Variants in MCTP2 observed in about 807,000 individuals in gnomAD.
The protein encoded by MCTP2 is multiple C2 and transmembrane domain containing 2.
MCTP2 carries 132 observed loss-of-function variants against 111.6 expected under a neutral mutation model. The observed-to-expected ratio is 1.18, with a 90% CI of 1.03 to 1.37. MCTP2 has a LOEUF of 1.37. Among genes scored for constraint, MCTP2 ranks in the 40% most tolerant of loss-of-function variants. The pLI is 0.00. For missense variants in MCTP2, 1,183 were observed against 1,067.9 expected (o/e 1.11, Z -1.50); for synonymous variants, 395 against 387.7 (o/e 1.02, Z -0.22).
chr15:94,413,493 A>G (rs1374706874), intron 17 of MCTP2, among the ~76,000 whole-genome samples: 2 of 151,368 alleles, frequency 1.3e-5, no homozygotes, highest in African/African-American at 4.9e-5. Context: ...TTTGATGCTT[A>G]TGTCATTGGC....
chr15:94,422,162 C>G (rs67750360), intron 17 of MCTP2, among the ~76,000 whole-genome samples: 1 of 151,898 alleles, frequency 6.6e-6, no homozygotes, highest in African/African-American at 2.4e-5. Flanking sequence ...TGCTAGTATA[C>G]GGCTGGAGGG....
intron 17 of MCTP2, among the ~76,000 whole-genome samples, chr15:94,417,014 T>C (rs2082408079): frequency 6.6e-6 from 1 of 152,148 alleles, no homozygotes; most frequent in South Asian, 2.1e-4. Flanking sequence ...AAGCAAAGTT[T>C]TATTGTTTAG....
intron 2 of MCTP2, among the ~76,000 whole-genome samples, chr15:94,306,432 A>G (rs895648636): frequency 2.0e-5 from 3 of 152,214 alleles, no homozygotes; most frequent in Non-Finnish European, 4.4e-5. Flanking sequence ...TGTCAGAGAC[A>G]GGATCTAACT....
At chr15:94,475,969 G>A (rs758224631) in intron 21 of MCTP2, among the ~76,000 whole-genome samples, 3 of 152,146 alleles carry the variant, frequency 2.0e-5, no homozygotes, top group Non-Finnish European at 2.9e-5. Flanking sequence ...CCATTGCCCA[G>A]ACAGACCCAC....
rs926186474 is a variant in MCTP2, at chr15:94,339,354, A to G, written c.702A>G (p.Ile234Met). Residue 234 changes from isoleucine to methionine, a missense_variant, in exon 5 of 23, where the codon ATA (isoleucine) becomes ATG (methionine). Transcript: ENST00000357742. ...AGACGCTGTACAAAAGTAAAGTCAT[A>G]TATAAGAACTTGAACCCAGTATGGG... ...NGKTLYKSKV[I>M]YKNLNPVWDE... 1.9e-6 allele frequency: 3 copies of G among 1,612,300 alleles called. No homozygotes were observed. Among genetic ancestry groups the G allele is most frequent in the South Asian group, 1.1e-5 (1 of 90,942 alleles).
intron 4 of MCTP2, among the ~76,000 whole-genome samples, chr15:94,324,685 T>C (rs2076779758): frequency 6.6e-6 from 1 of 152,190 alleles, no homozygotes; most frequent in South Asian, 2.1e-4. Flanking sequence ...GTCAAGTTCA[T>C]ATTTAAAAGG....
Position 94,458,829 on chromosome 15 carries a change from G to A in MCTP2, c.2360+583G>A, listed in dbSNP as rs1415738531. 2.0e-5 allele frequency among the ~76,000 whole-genome samples: 3 copies of A among 152,318 alleles called. No individual in the cohort carries two copies. The East Asian group carries it at 5.8e-4, about 29-fold the overall frequency. ...GTCTCTGTCCTGACTACTCAACTCT[G>A]TTGTTAAAGTGTAAAAGGAGTAACA... On this transcript the variant is annotated intron_variant, in intron 20 of 22. Transcript: ENST00000357742.
intron 1 of MCTP2, among the ~76,000 whole-genome samples, chr15:94,239,114 T>A (rs989186586): frequency 1.3e-5 from 2 of 152,132 alleles, no homozygotes; most frequent in African/African-American, 2.4e-5. Flanking sequence ...TTACTTTTTT[T>A]AAGGTGGTGG....
At chr15:94,331,029 C>T (rs768726364) in intron 4 of MCTP2, among the ~76,000 whole-genome samples, 17 of 152,188 alleles carry the variant, frequency 1.1e-4, no homozygotes, top group South Asian at 4.1e-4. Flanking sequence ...TCACCATGCC[C>T]AGCCCAGGCA....
intron 21 of MCTP2, among the ~76,000 whole-genome samples, chr15:94,472,453 A>G (rs2074006662): frequency 6.6e-6 from 1 of 152,150 alleles, no homozygotes; most frequent in Non-Finnish European, 1.5e-5. Context: ...TGAGATTCCA[A>G]TCCCTCTTTC....
intron 19 of MCTP2, among the ~76,000 whole-genome samples, chr15:94,457,833 G>A (rs1352931184): frequency 6.6e-6 from 1 of 152,168 alleles, no homozygotes; most frequent in Non-Finnish European, 1.5e-5. Context: ...CGGGATTGCA[G>A]AATTCTGCGA....
At chr15:94,303,176 G>A (rs2075724649) in intron 2 of MCTP2, among the ~76,000 whole-genome samples, 1 of 123,510 alleles carries the variant, frequency 8.1e-6, no homozygotes, top group Admixed American at 8.3e-5. Flanking sequence ...CAGAACTAAT[G>A]GAATATATAT....
chr15:94,268,211 C>T (rs1486611101), intron 1 of MCTP2, among the ~76,000 whole-genome samples: 5 of 123,580 alleles, frequency 4.0e-5, no homozygotes, highest in Admixed American at 3.0e-4. Flanking sequence ...GACAGAGTTT[C>T]GCTCTTGTCA....
intron 17 of MCTP2, among the ~76,000 whole-genome samples, chr15:94,411,323 T>C (rs990650309): frequency 1.3e-5 from 2 of 151,904 alleles, no homozygotes; most frequent in African/African-American, 4.8e-5. Context: ...CTGAGCTTTG[T>C]CATTTGTTTC....
rs4984361 is a variant in MCTP2 at position 94,239,598 on chromosome 15, A to G, written c.-66+7934A>G. Among the ~76,000 whole-genome samples, 120 of 152,188 alleles carry G rather than the reference A, an allele frequency of 7.9e-4. No individual in the cohort carries two copies. The East Asian group carries it at 0.017, about 22-fold the overall frequency. On this transcript the variant is annotated intron_variant, in intron 1 of 22. Transcript: ENST00000357742. ...CTCCTACTTTTTCTGACACTGTGCTATGTTTTGAATTCTGTAGGAATCCTT... is the reference window on the plus strand; with the variant it reads ...CTCCTACTTTTTCTGACACTGTGCTGTGTTTTGAATTCTGTAGGAATCCTT...
At chr15:94,410,455 A>T (rs1364352361) in intron 17 of MCTP2, among the ~76,000 whole-genome samples, 1 of 152,064 alleles carries the variant, frequency 6.6e-6, no homozygotes, top group African/African-American at 2.4e-5. Context: ...TCAAAAATAG[A>T]TGGCTTATGC....
chr15:94,272,900 T>C (rs2073985657), intron 1 of MCTP2, among the ~76,000 whole-genome samples: 1 of 152,204 alleles, frequency 6.6e-6, no homozygotes, highest in African/African-American at 2.4e-5. Flanking sequence ...TCATCTGAAT[T>C]GCCAATCTCT....
chr15:94,445,457 G>T (rs959277703), intron 19 of MCTP2, among the ~76,000 whole-genome samples: 26 of 152,124 alleles, frequency 1.7e-4, no homozygotes, highest in African/African-American at 5.6e-4. Context: ...GTTAGGAAAG[G>T]CTGGTGAATT....
intron 12 of MCTP2, among the ~76,000 whole-genome samples, chr15:94,372,040 T>C (rs1337325420): frequency 1.3e-5 from 2 of 152,202 alleles, no homozygotes; most frequent in Non-Finnish European, 2.9e-5. Context: ...GTAAAGACCC[T>C]CTCTATGGAA....
Sources: allele counts gnomAD v4.1 joint callset (sites outside exome capture counted in the v4.1 genomes callset), GRCh38; gene constraint gnomAD v4.1.1; transcripts MANE v1.5; gene names NCBI Gene and HGNC (gene_info 2026-07-23, HGNC 2026-07-21).